Variants in CNTNAP4 observed in about 807,000 individuals in gnomAD.
CNTNAP4 encodes contactin-associated protein-like 4.
In CNTNAP4, 98 loss-of-function variants were observed where a neutral mutation model predicts 148.4. That is an observed-to-expected ratio of 0.66 (90% CI 0.56 to 0.78). The LOEUF is 0.78. Ranked by LOEUF, CNTNAP4 falls within the 30% of genes least tolerant of loss-of-function variation. The probability of loss-of-function intolerance (pLI) is 0.00; values close to 1 mark genes in which losing one functional copy is unlikely to be tolerated. For synonymous variants in CNTNAP4, 730 were observed against 565.1 expected (o/e 1.29, Z -4.14); for missense variants, 1,935 against 1,565.6 (o/e 1.24, Z -3.98).
intron 21 of CNTNAP4, among the ~76,000 whole-genome samples, chr16:76,545,670 AC>A (rs1165465536): frequency 6.6e-6 from 1 of 152,236 alleles, no homozygotes; most frequent in Non-Finnish European, 1.5e-5. Flanking sequence ...AAACCTTCAT[AC>A]AATGATAAAA....
intron 2 of CNTNAP4, among the ~76,000 whole-genome samples, chr16:76,323,882 A>T (rs957340004): frequency 6.6e-6 from 1 of 152,192 alleles, no homozygotes; most frequent in Non-Finnish European, 1.5e-5. Context: ...CTAGATTATA[A>T]TACTAAATTG....
At chr16:76,323,280 T>C (rs1420430883) in intron 2 of CNTNAP4, among the ~76,000 whole-genome samples, 2 of 101,694 alleles carry the variant, frequency 2.0e-5, no homozygotes, top group Non-Finnish European at 4.2e-5. Context: ...GATAGGATGG[T>C]TTTATTTAAT....
intron 4 of CNTNAP4, among the ~76,000 whole-genome samples, chr16:76,430,453 C>T (rs11647091): frequency 0.18 from 27,588 of 152,062 alleles, 2,907 homozygotes; most frequent in East Asian, 0.37. Context: ...TTGTCTGCAA[C>T]TCCCTTAAGT....
At chr16:76,503,227 C>G (rs2082719169) in intron 15 of CNTNAP4, among the ~76,000 whole-genome samples, 1 of 152,146 alleles carries the variant, frequency 6.6e-6, no homozygotes, top group Admixed American at 6.5e-5. Context: ...GCTCTCACTA[C>G]TCCTATTCAA....
At chr16:76,315,617 C>T (rs886439397) in intron 1 of CNTNAP4, among the ~76,000 whole-genome samples, 1 of 151,794 alleles carries the variant, frequency 6.6e-6, no homozygotes, top group Non-Finnish European at 1.5e-5. Flanking sequence ...TTTTTTGAGA[C>T]AGCGTCTTAC....
In CNTNAP4 at chr16:76,490,933, G is replaced by T. The variant is rs571320218; in HGVS notation, c.2080+1050G>T. Among the ~76,000 whole-genome samples the T allele has an allele frequency of 8.3e-4, 126 of 152,260 alleles. 1 individual carries two copies. The highest frequency in any genetic ancestry group is 3.0e-3 in the African/African-American group (123 of 41,520). The stretch of plus-strand genomic sequence containing the variant: ...CCTGCTTGTCCTAAGAAGGGCTGGA[G>T]TTTCAGAGAGAATGACAAAAATTTA... On this transcript the variant is annotated intron_variant, in intron 13 of 23. Coordinates refer to ENST00000611870, the MANE Select transcript of CNTNAP4 (RefSeq NM_033401.5).
Position 76,553,854 on chromosome 16 carries a change from A to T in CNTNAP4, c.3680A>T (p.Asp1227Val). The T allele has an allele frequency of 6.2e-7, 1 of 1,612,166 alleles. No individual in the cohort carries two copies. Among genetic ancestry groups the T allele is most frequent in the Non-Finnish European group, 8.5e-7 (1 of 1,178,408 alleles). The change falls in exon 23 of 24, where the codon GAT becomes GTT. Residue 1227 changes from aspartate (D) to valine (V), a missense_variant. Asp to Val is a radical substitution (Grantham distance 152). Transcript: ENST00000611870. ...HSFADHSGTI[D>V]DREPLANAIK... ...ACTGCAGATCATTCTGGAACAATAGATGACAGAGAGCCCCTTGCTAATGCA... is the reference window on the plus strand; with the variant it reads ...ACTGCAGATCATTCTGGAACAATAGTTGACAGAGAGCCCCTTGCTAATGCA...
At chr16:76,522,734 T>TTCTTC (rs2083535657) in intron 17 of CNTNAP4, among the ~76,000 whole-genome samples, 1 of 103,458 alleles carries the variant, frequency 9.7e-6, no homozygotes, top group Non-Finnish European at 2.0e-5. Context: ...TTCTTTTCTT[T>TTCTTC]TCTTTTCTTT....
chr16:76,352,520 GC>G (rs1361236904), intron 2 of CNTNAP4, among the ~76,000 whole-genome samples: 1 of 152,082 alleles, frequency 6.6e-6, no homozygotes, highest in Non-Finnish European at 1.5e-5. Flanking sequence ...CTAGTTAGGG[GC>G]ATGGTGCCTC....
In CNTNAP4 at chr16:76,376,506, T is replaced by A. The variant is rs1353387756; in HGVS notation, c.390+20995T>A. On this transcript the variant is annotated intron_variant, in intron 3 of 23. Transcript: ENST00000611870. ...GACTTCAGTCTATATAAAGGACCTT[T>A]CATATGCAAAGAGATCGTATATTTA... 3.3e-5 allele frequency among the ~76,000 whole-genome samples: 5 copies of A among 152,260 alleles called. No homozygotes were observed. The East Asian group carries it at 9.7e-4, about 29-fold the overall frequency.
rs549310094 is a variant in CNTNAP4, at chr16:76,504,580, C to G, written c.2365+5886C>G. Reference sequence around the variant, plus strand: ...GGGCATAGATTTCTTAGATACAACACTAAAAGTACAATTCATAGAATAAAA... The same window carrying G: ...GGGCATAGATTTCTTAGATACAACAGTAAAAGTACAATTCATAGAATAAAA... On this transcript the variant is annotated intron_variant, in intron 15 of 23. Coordinates refer to ENST00000611870, the MANE Select transcript of CNTNAP4 (RefSeq NM_033401.5). 4.0e-4 allele frequency among the ~76,000 whole-genome samples: 61 copies of G among 152,098 alleles called. No individual in the cohort carries two copies. In the South Asian group the frequency reaches 0.011, roughly 26 times the overall value.
intron 3 of CNTNAP4, among the ~76,000 whole-genome samples, chr16:76,373,635 C>G (rs1026637917): frequency 1.3e-5 from 2 of 152,082 alleles, no homozygotes; most frequent in African/African-American, 4.8e-5. Flanking sequence ...CATCTCATGC[C>G]TGTAATCTCA....
intron 3 of CNTNAP4, among the ~76,000 whole-genome samples, chr16:76,399,797 A>G (rs1233393046): frequency 2.6e-5 from 4 of 152,246 alleles, no homozygotes; most frequent in Non-Finnish European, 5.9e-5. Flanking sequence ...TGAATAATTT[A>G]TAAGTATGCT....
At chr16:76,541,486 G>A (rs11862928) in intron 21 of CNTNAP4, among the ~76,000 whole-genome samples, 2,696 of 152,172 alleles carry the variant, frequency 0.018, 83 homozygotes, top group African/African-American at 0.062. Flanking sequence ...TAAGAGTATT[G>A]GAATTTCACC....
At chr16:76,430,950 A>G (rs1186479556) in intron 4 of CNTNAP4, among the ~76,000 whole-genome samples, 18 of 152,186 alleles carry the variant, frequency 1.2e-4, no homozygotes, top group Non-Finnish European at 2.6e-4. Context: ...CTTGCCAAAA[A>G]GAACTAGGTA....
At chr16:76,553,060 A>T (rs1257888349) in intron 21 of CNTNAP4, among the ~76,000 whole-genome samples, 1 of 152,194 alleles carries the variant, frequency 6.6e-6, no homozygotes, top group Non-Finnish European at 1.5e-5. Context: ...TTACCATATC[A>T]CTTTTAATAA....
intron 4 of CNTNAP4, among the ~76,000 whole-genome samples, chr16:76,443,412 C>T (rs375896506): frequency 3.3e-5 from 5 of 152,240 alleles, no homozygotes; most frequent in Admixed American, 6.5e-5. Flanking sequence ...GGAGAAACTC[C>T]ATTTCTGCCA....
intron 17 of CNTNAP4, among the ~76,000 whole-genome samples, chr16:76,524,311 C>T (rs773503824): frequency 8.5e-5 from 13 of 152,086 alleles, no homozygotes; most frequent in Non-Finnish European, 1.8e-4. Context: ...GCTAGAAGCT[C>T]AGTCAGGAAA....
Position 76,305,401 on chromosome 16 carries a change from T to A in CNTNAP4, c.86-11012T>A, listed in dbSNP as rs184921539. Among the ~76,000 whole-genome samples the A allele has an allele frequency of 2.0e-5, 3 of 152,166 alleles. No homozygotes were observed. The East Asian group carries it at 5.8e-4, about 29-fold the overall frequency. ...GCATTTTCTAACTGATTAGCTGGCA[T>A]TTTTTTTAAAACCAATTCCTTCCTT... On this transcript the variant is annotated intron_variant, in intron 1 of 23. Coordinates refer to ENST00000611870, the MANE Select transcript of CNTNAP4 (RefSeq NM_033401.5).
Sources: gnomAD v4.1 joint callset for allele counts (sites outside exome capture counted in the v4.1 genomes callset) on GRCh38, gnomAD v4.1.1 for gene constraint, MANE v1.5 for transcripts, NCBI Gene and HGNC (gene_info 2026-07-23, HGNC 2026-07-21) for gene names.